The following TVP23C variants were observed in gnomAD, a reference collection of about 807,000 sequenced individuals.
TVP23C encodes the protein Golgi apparatus membrane protein TVP23 homolog C.
In TVP23C, 19 loss-of-function variants were observed where a neutral mutation model predicts 28.7. The observed-to-expected ratio is 0.66, with a 90% confidence interval of 0.46 to 0.97. The LOEUF (loss-of-function observed/expected upper bound fraction) is 0.97. Among genes scored for constraint, TVP23C ranks in the 50% least tolerant of loss-of-function variants. The probability of loss-of-function intolerance (pLI) is 0.00; values close to 1 mark genes in which losing one functional copy is unlikely to be tolerated. For synonymous variants in TVP23C, 68 were observed against 81.7 expected (o/e 0.83, Z 0.90); for missense variants, 186 against 241.3 (o/e 0.77, Z 1.52).
At chr17:15,507,595 T>C (rs564089339) in intron 5 of TVP23C, among the ~76,000 whole-genome samples, 1 of 152,238 alleles carries the variant, frequency 6.6e-6, no homozygotes, top group African/African-American at 2.4e-5. Flanking sequence ...TCCCAGCACT[T>C]TGGGAGGCCG....
At position 15,538,302 on chromosome 17, in the gene TVP23C, C is replaced by G. The variant is rs544120064; in HGVS notation, c.*2110G>C. ...TGGCCCAATCACATTAAAAAGTAGA[C>G]ATGCTAGGCTGGGCGCCGTGGCTTA... On this transcript the variant is annotated 3_prime_UTR_variant, in exon 6 of 6. Transcript: ENST00000518321. 5.3e-5 allele frequency: 77 copies of G among 1,453,346 alleles called. No individual in the cohort carries two copies. In the South Asian group the frequency reaches 1.1e-3, roughly 20 times the overall value. The allele number at this position is 1,453,346 out of a possible 1,614,324, so 90.0% of individuals were successfully genotyped here.
exon 6 of TVP23C, chr17:15,503,123 C>G: frequency 1.2e-6 from 2 of 1,612,112 alleles, no homozygotes; most frequent in Non-Finnish European, 1.7e-6. Context: ...CGAGGGATGG[C>G]CCGGGCAGCG....
At chr17:15,549,881 A>AG (rs949150976) in intron 3 of TVP23C, among the ~76,000 whole-genome samples, 2 of 151,954 alleles carry the variant, frequency 1.3e-5, no homozygotes, top group Non-Finnish European at 2.9e-5. Context: ...GAAAAGGAAG[A>AG]GTCTTATGAG....
chr17:15,520,333 T>A (rs1246710827), intron 5 of TVP23C, among the ~76,000 whole-genome samples: 2 of 148,976 alleles, frequency 1.3e-5, no homozygotes, highest in African/African-American at 5.0e-5. Context: ...GACTTCTAAC[T>A]ATTTTCCAGA....
In TVP23C at chr17:15,538,990, TAC is replaced by T. The variant is rs1460168257; in HGVS notation, c.*1420_*1421del. Reference sequence around the variant, plus strand: ...AATAAAAAGAACAATAAATTTTGAGTACAGAGGGCTGGGTTTAAGATCTAGCT... The same window carrying T: ...AATAAAAAGAACAATAAATTTTGAGTAGAGGGCTGGGTTTAAGATCTAGCT... On this transcript the variant is annotated 3_prime_UTR_variant, in exon 6 of 6. Transcript: ENST00000518321. 30 of 985,610 alleles carry T rather than the reference TAC, an allele frequency of 3.0e-5. No individual in the cohort carries two copies. The highest frequency in any genetic ancestry group is 3.5e-5 in the Non-Finnish European group (29 of 829,842). 61.1% of individuals were successfully genotyped at this position (985,610 alleles called of 1,614,324 possible).
chr17:15,520,827 A>G (rs1482085913), intron 5 of TVP23C, among the ~76,000 whole-genome samples: 1 of 152,162 alleles, frequency 6.6e-6, no homozygotes, highest in East Asian at 1.9e-4. Context: ...TTGGAAATGA[A>G]GGAAAAAAAA....
chr17:15,506,941 G>A, intron 5 of TVP23C: 1 of 1,188,752 alleles, frequency 8.4e-7, no homozygotes, highest in Non-Finnish European at 1.2e-6. Context: ...TGAGCTGTTT[G>A]CAAACAAGAT....
At chr17:15,507,834 A>C (rs1415010223) in intron 5 of TVP23C, among the ~76,000 whole-genome samples, 1 of 152,140 alleles carries the variant, frequency 6.6e-6, no homozygotes, top group Non-Finnish European at 1.5e-5. Context: ...GCGAGACTCC[A>C]TCTCAAAAAA....
downstream of TVP23C, among the ~76,000 whole-genome samples, chr17:15,536,219 A>G (rs1388889382): frequency 4.6e-5 from 7 of 152,290 alleles, no homozygotes; most frequent in African/African-American, 1.4e-4. Flanking sequence ...CAAGTAGTTC[A>G]GGGCTACTAT....
At chr17:15,508,360 G>A (rs923265012) in intron 5 of TVP23C, among the ~76,000 whole-genome samples, 10 of 152,302 alleles carry the variant, frequency 6.6e-5, no homozygotes, top group Admixed American at 5.9e-4. Context: ...TGTCCCCAAA[G>A]CCCTCTGGAA....
chr17:15,540,575 A>T lies in TVP23C; in HGVS notation c.463-14T>A. 6.2e-7 allele frequency: 1 copy of T among 1,611,542 alleles called. No individual in the cohort carries two copies. Among genetic ancestry groups the T allele is most frequent in the South Asian group, 1.1e-5 (1 of 90,674 alleles). On this transcript the variant is annotated splice_polypyrimidine_tract_variant and intron_variant, in intron 5 of 5. Transcript: ENST00000518321. ...AATAACCACCGCCTGGGACAAGGGA[A>T]AAAAATAATCAACGGTTACTGGCCT...
At chr17:15,503,159 T>G in exon 6 of TVP23C, 1 of 1,597,746 alleles carries the variant, frequency 6.3e-7, no homozygotes, top group South Asian at 1.1e-5. Flanking sequence ...CCCAGCGCTT[T>G]GGAAGGCGGA....
downstream of TVP23C, among the ~76,000 whole-genome samples, chr17:15,535,845 G>A (rs1597526585): frequency 6.6e-6 from 1 of 152,294 alleles, no homozygotes; most frequent in Middle Eastern, 3.4e-3. Flanking sequence ...CAACAGAGAA[G>A]CCAGAACATT....
intron 5 of TVP23C, among the ~76,000 whole-genome samples, chr17:15,511,594 T>A (rs1982007180): frequency 6.6e-6 from 1 of 152,196 alleles, no homozygotes; most frequent in South Asian, 2.1e-4. Context: ...AAGAGATGAT[T>A]TCTTAATTGG....
intron 5 of TVP23C, among the ~76,000 whole-genome samples, chr17:15,518,195 T>TTCACAGCC (rs1487095831): frequency 6.1e-5 from 9 of 148,176 alleles, no homozygotes; most frequent in Non-Finnish European, 1.2e-4. Flanking sequence ...AAAAAGAATG[T>TTCACAGCC]TCACAGCCTG....
rs746056316 is a variant in TVP23C, at chr17:15,547,074, C to T, written c.315G>A (p.Val105=). The T allele has an allele frequency of 6.3e-7, 1 of 1,596,736 alleles. No homozygotes were observed. Among genetic ancestry groups the T allele is most frequent in the Non-Finnish European group, 8.5e-7 (1 of 1,173,294 alleles). The stretch of plus-strand genomic sequence containing the variant: ...GGCACTTTACCTTTCTAGATTCAAA[C>T]ACCCAATGGCTCTTTCCATCTTCAT... ...HIDEDGKSHW[V]FESRKESSQE... Residue 105 remains valine, a synonymous_variant, in exon 4 of 6, where the codon GTG becomes GTA. Coordinates refer to ENST00000518321, the MANE Select transcript of TVP23C (RefSeq NM_001135036.2).
chr17:15,535,631 T>C (rs1251776300), downstream of TVP23C, among the ~76,000 whole-genome samples: 1 of 152,218 alleles, frequency 6.6e-6, no homozygotes, highest in Non-Finnish European at 1.5e-5. Context: ...CAACAGCATC[T>C]GAACAGTGCA....
exon 6 of TVP23C, chr17:15,502,683 T>G (rs1438133643): frequency 5.5e-6 from 6 of 1,092,130 alleles, no homozygotes; most frequent in Non-Finnish European, 7.4e-6. Flanking sequence ...CCCCTTAGTT[T>G]TACAAGTTCC....
chr17:15,514,054 C>T (rs1455961063), intron 5 of TVP23C, among the ~76,000 whole-genome samples: 1 of 152,230 alleles, frequency 6.6e-6, no homozygotes, highest in Non-Finnish European at 1.5e-5. Context: ...TCCAAGAGAA[C>T]GTTCTTATCA....
Sources: allele counts gnomAD v4.1 joint callset (sites outside exome capture counted in the v4.1 genomes callset), GRCh38; gene constraint gnomAD v4.1.1; transcripts MANE v1.5; gene names NCBI Gene and HGNC (gene_info 2026-07-23, HGNC 2026-07-21).